Variants in FLI1 observed in about 807,000 individuals in gnomAD.
The protein encoded by FLI1 is Friend leukemia integration 1 transcription factor.
FLI1 carries 13 observed loss-of-function variants against 53.1 expected under a neutral mutation model. The ratio of observed to expected loss-of-function variants is 0.24; its 90% confidence interval spans 0.16 to 0.39. The LOEUF (loss-of-function observed/expected upper bound fraction) is 0.39, where lower values mean the gene tolerates loss of function less well. Among genes scored for constraint, FLI1 ranks in the 10% least tolerant of loss-of-function variants. The probability of loss-of-function intolerance (pLI) is 1.00; values close to 1 mark genes in which losing one functional copy is unlikely to be tolerated. For missense variants in FLI1, 424 were observed against 600.5 expected (o/e 0.71, Z 3.07); for synonymous variants, 244 against 236.7 (o/e 1.03, Z -0.28).
intron 1 of FLI1, among the ~76,000 whole-genome samples, chr11:128,697,262 C>T (rs558890540): frequency 6.6e-6 from 1 of 152,288 alleles, no homozygotes; most frequent in Non-Finnish European, 1.5e-5. Context: ...TCTATGAATG[C>T]CTGACTCAGT....
intron 1 of FLI1, among the ~76,000 whole-genome samples, chr11:128,720,403 A>C (rs772998579): frequency 2.0e-5 from 3 of 152,344 alleles, no homozygotes; most frequent in Non-Finnish European, 4.4e-5. Context: ...TAAAATCTTC[A>C]GTATAGGCTC....
chr11:128,726,505 C>T (rs1036789952), intron 1 of FLI1, among the ~76,000 whole-genome samples: 5 of 152,160 alleles, frequency 3.3e-5, no homozygotes, highest in African/African-American at 1.2e-4. Context: ...GGGACACTAA[C>T]CAGCCTGGCT....
chr11:128,789,928 T>C (rs1318912630), intron 5 of FLI1, among the ~76,000 whole-genome samples: 1 of 152,126 alleles, frequency 6.6e-6, no homozygotes, highest in Non-Finnish European at 1.5e-5. Context: ...ACACTTCAAA[T>C]TGGAGGGTAT....
At chr11:128,758,881 A>G (rs956611035) in intron 2 of FLI1, among the ~76,000 whole-genome samples, 2 of 152,196 alleles carry the variant, frequency 1.3e-5, no homozygotes, top group Non-Finnish European at 2.9e-5. Context: ...GCTTGTAGAA[A>G]TGGAGACAGG....
intron 1 of FLI1, among the ~76,000 whole-genome samples, chr11:128,753,847 C>G (rs1940750553): frequency 6.6e-6 from 1 of 152,206 alleles, no homozygotes; most frequent in Non-Finnish European, 1.5e-5. Flanking sequence ...AGAGGGCTCC[C>G]TACTACCAGT....
chr11:128,716,840 T>C (rs1434068781), intron 1 of FLI1, among the ~76,000 whole-genome samples: 1 of 152,160 alleles, frequency 6.6e-6, no homozygotes, highest in Non-Finnish European at 1.5e-5. Flanking sequence ...AGAGTCTAAA[T>C]TGGGCAGGAT....
chr11:128,744,180 G>A (rs1940270886), intron 1 of FLI1, among the ~76,000 whole-genome samples: 1 of 152,250 alleles, frequency 6.6e-6, no homozygotes, highest in African/African-American at 2.4e-5. Flanking sequence ...CGTAGACAGA[G>A]TGGCCATATA....
rs752914569 is a variant in FLI1 at position 128,810,355 on chromosome 11, G to C, written c.830-104G>C. The C allele has an allele frequency of 8.7e-7, 1 of 1,152,194 alleles. No individual in the cohort carries two copies. Among genetic ancestry groups the C allele is most frequent in the African/African-American group, 1.6e-5 (1 of 63,598 alleles). The allele number at this position is 1,152,194 out of a possible 1,614,324, so 71.4% of individuals were successfully genotyped here. ...GATCCCAATGTCGAAGGAAACAAAA[G>C]GTTTCTTTAAAAGGATGAGAAGCTC... On this transcript the variant is annotated intron_variant, in intron 8 of 8. Coordinates refer to ENST00000527786, the MANE Select transcript of FLI1 (RefSeq NM_002017.5). This position sits in a 1 kb window ranked among gnomAD's most constrained non-coding sequence, Gnocchi z 6.6.
intron 1 of FLI1, chr11:128,748,118 A>T (rs1182626922): frequency 8.5e-6 from 2 of 236,412 alleles, no homozygotes; most frequent in South Asian, 3.1e-4. Flanking sequence ...TACAGGGTAC[A>T]GTCCTGGGAG....
At chr11:128,752,071 G>T (rs1410920961) in intron 1 of FLI1, among the ~76,000 whole-genome samples, 1 of 151,970 alleles carries the variant, frequency 6.6e-6, no homozygotes, top group Non-Finnish European at 1.5e-5. Context: ...CGCCTCCTGG[G>T]TTCAATCGAT....
chr11:128,694,325 C>G (rs1410324650), intron 1 of FLI1, 49 bp downstream of exon 1: 22 of 1,294,140 alleles, frequency 1.7e-5, no homozygotes, highest in Non-Finnish European at 2.2e-5. Flanking sequence ...GCCGGGGAGG[C>G]GAAGCGGCGG....
In FLI1 at chr11:128,812,423, AG is replaced by A. The variant is rs1256371330; in HGVS notation, c.*1437del. The A allele has an allele frequency of 4.4e-6, 1 of 225,792 alleles. No homozygotes were observed. The highest frequency in any genetic ancestry group is 8.8e-6 in the Non-Finnish European group (1 of 113,418). The allele number at this position is 225,792 out of a possible 1,614,324, so 14.0% of individuals were successfully genotyped here. ...TAAATGGTTCCTTCTCTCAGTGCTG[AG>A]GACAGTTTTCTTATTTACCGCCCCC... On this transcript the variant is annotated 3_prime_UTR_variant, in exon 9 of 9. Coordinates refer to ENST00000527786, the MANE Select transcript of FLI1 (RefSeq NM_002017.5).
intron 1 of FLI1, among the ~76,000 whole-genome samples, chr11:128,743,407 A>G: frequency 7.5e-6 from 1 of 133,282 alleles, no homozygotes; most frequent in South Asian, 2.3e-4. Flanking sequence ...CATGTCTCTA[A>G]AAAAAAAAAA....
At chr11:128,733,176 G>GT (rs61558006) in intron 1 of FLI1, among the ~76,000 whole-genome samples, 7 of 150,592 alleles carry the variant, frequency 4.6e-5, no homozygotes, top group Non-Finnish European at 8.9e-5. Flanking sequence ...ATTGCAAGAG[G>GT]TTTTTTTTTT....
chr11:128,724,068 G>C (rs964737084), intron 1 of FLI1, among the ~76,000 whole-genome samples: 1 of 149,256 alleles, frequency 6.7e-6, no homozygotes, highest in Non-Finnish European at 1.5e-5. Context: ...TCAGCCTCCT[G>C]AGTAGCTGGG....
Position 128,759,953 on chromosome 11 carries a change from C to T in FLI1, c.230+1627C>T, listed in dbSNP as rs531767319. On this transcript the variant is annotated intron_variant, in intron 2 of 8. Coordinates refer to ENST00000527786, the MANE Select transcript of FLI1 (RefSeq NM_002017.5). ...AGAACTCCTCCAGAGCAGCTCATGGCCTCAGACCTGCCTGTGGGAACTGCC... is the reference window on the plus strand; with the variant it reads ...AGAACTCCTCCAGAGCAGCTCATGGTCTCAGACCTGCCTGTGGGAACTGCC... Among the ~76,000 whole-genome samples, 5 of 152,274 alleles carry T rather than the reference C, an allele frequency of 3.3e-5. No individual in the cohort carries two copies. The East Asian group carries it at 9.7e-4, about 29-fold the overall frequency.
intron 1 of FLI1, among the ~76,000 whole-genome samples, chr11:128,687,916 A>G (rs919918527): frequency 6.6e-6 from 1 of 152,218 alleles, no homozygotes; most frequent in Non-Finnish European, 1.5e-5. Flanking sequence ...TGTAGCAATA[A>G]CCAGTGAATG....
intron 4 of FLI1, among the ~76,000 whole-genome samples, chr11:128,776,613 C>A (rs371987759): frequency 3.9e-5 from 6 of 152,158 alleles, no homozygotes; most frequent in African/African-American, 1.4e-4. Context: ...ATCGCACCAC[C>A]GCACTCTGGC....
chr11:128,778,585 A>G (rs188498054), intron 4 of FLI1, among the ~76,000 whole-genome samples: 2 of 152,354 alleles, frequency 1.3e-5, no homozygotes, highest in East Asian at 1.9e-4. Flanking sequence ...TCATCTGTAA[A>G]AAGGAATAAG....
Sources: allele counts gnomAD v4.1 joint callset (sites outside exome capture counted in the v4.1 genomes callset), GRCh38; gene constraint gnomAD v4.1.1; non-coding constraint Gnocchi (gnomAD v3.1); transcripts MANE v1.5; gene names NCBI Gene and HGNC (gene_info 2026-07-23, HGNC 2026-07-21).